The following TOX variants were observed in gnomAD, a reference collection of about 807,000 sequenced individuals.
TOX encodes thymocyte selection associated high mobility group box.
In TOX, 11 loss-of-function variants were observed where a neutral mutation model predicts 53.7. That is an observed-to-expected ratio of 0.20 (90% CI 0.13 to 0.34). The LOEUF (loss-of-function observed/expected upper bound fraction) is 0.34, where lower values mean the gene tolerates loss of function less well. Ranked by LOEUF, TOX falls within the 10% of genes least tolerant of loss-of-function variation. TOX has a pLI of 1.00. For missense variants in TOX, 570 were observed against 664.6 expected, an observed-to-expected ratio of 0.86 and a Z score of 1.56; for synonymous variants, 225 against 245.3, an observed-to-expected ratio of 0.92 and a Z score of 0.77.
intron 3 of TOX, among the ~76,000 whole-genome samples, chr8:58,925,953 G>A (rs1015121605): frequency 1.3e-5 from 2 of 152,162 alleles, no homozygotes; most frequent in Non-Finnish European, 2.9e-5. Flanking sequence ...GACTAGCTGT[G>A]TATGCATAAG....
chr8:59,113,809 G>C (rs1413836502), intron 1 of TOX, among the ~76,000 whole-genome samples: 1 of 152,154 alleles, frequency 6.6e-6, no homozygotes, highest in Non-Finnish European at 1.5e-5. Context: ...CTGAGGGCTG[G>C]CTTTAAAACA....
chr8:58,878,862 A>ACCAGC (rs1320163209), intron 3 of TOX, among the ~76,000 whole-genome samples: 1 of 152,020 alleles, frequency 6.6e-6, no homozygotes, highest in East Asian at 1.9e-4. Flanking sequence ...GGAGTTCGAG[A>ACCAGC]CCAGCCCAGC....
intron 1 of TOX, among the ~76,000 whole-genome samples, chr8:58,974,647 T>C (rs1813058978): frequency 6.6e-6 from 1 of 151,786 alleles, no homozygotes. Flanking sequence ...TACACAAACT[T>C]TGGAGTTATA....
chr8:58,821,091 T>C (rs1386147418), intron 6 of TOX, among the ~76,000 whole-genome samples: 1 of 152,204 alleles, frequency 6.6e-6, no homozygotes, highest in Non-Finnish European at 1.5e-5. Context: ...GCAGGGTTCA[T>C]AAAGATCATT....
chr8:58,830,900 A>C (rs945855083), intron 5 of TOX, among the ~76,000 whole-genome samples: 17 of 152,152 alleles, frequency 1.1e-4, no homozygotes, highest in African/African-American at 4.1e-4. Context: ...TCCCTGCAAT[A>C]TTTTTTAGAA....
chr8:58,979,422 C>T (rs1359878908), intron 1 of TOX, among the ~76,000 whole-genome samples: 1 of 152,068 alleles, frequency 6.6e-6, no homozygotes, highest in South Asian at 2.1e-4. Flanking sequence ...GATGGCTGTC[C>T]GGCCTTACCA....
intron 3 of TOX, among the ~76,000 whole-genome samples, chr8:58,906,239 G>A (rs1450216097): frequency 6.6e-6 from 1 of 152,120 alleles, no homozygotes; most frequent in Non-Finnish European, 1.5e-5. Flanking sequence ...TCGAGAATGT[G>A]CAAAAACAGT....
chr8:58,928,799 T>A (rs1031115166), intron 3 of TOX, among the ~76,000 whole-genome samples: 1 of 152,184 alleles, frequency 6.6e-6, no homozygotes, highest in Non-Finnish European at 1.5e-5. Flanking sequence ...CATTTGCAAG[T>A]TTCATACGGT....
At chr8:59,096,224 A>T (rs747135955) in intron 1 of TOX, among the ~76,000 whole-genome samples, 12 of 152,332 alleles carry the variant, frequency 7.9e-5, no homozygotes, top group South Asian at 2.1e-4. Context: ...AATGACTTTA[A>T]TTAGTTTAAT....
intron 7 of TOX, 93 bp downstream of exon 7, chr8:58,815,245 C>A: frequency 6.8e-7 from 1 of 1,468,852 alleles, no homozygotes. Context: ...ACACATATCC[C>A]CAATCCTGTC....
chr8:58,845,214 C>T (rs1414831129), intron 4 of TOX, among the ~76,000 whole-genome samples: 2 of 152,146 alleles, frequency 1.3e-5, no homozygotes, highest in African/African-American at 4.8e-5. Flanking sequence ...TTAATGCACA[C>T]TATCTTGCAG....
intron 3 of TOX, among the ~76,000 whole-genome samples, chr8:58,867,369 G>A (rs535377889): frequency 6.6e-6 from 1 of 152,204 alleles, no homozygotes; most frequent in African/African-American, 2.4e-5. Flanking sequence ...CTGCTCACAA[G>A]GTATAGCACA....
intron 2 of TOX, among the ~76,000 whole-genome samples, chr8:58,956,375 C>G (rs1287554404): frequency 6.6e-6 from 1 of 152,102 alleles, no homozygotes; most frequent in African/African-American, 2.4e-5. Context: ...AAGCCCAATG[C>G]CCCTCTGTTT....
chr8:59,028,077 T>A (rs1223666554), intron 1 of TOX, among the ~76,000 whole-genome samples: 1 of 152,202 alleles, frequency 6.6e-6, no homozygotes, highest in Non-Finnish European at 1.5e-5. Context: ...ACTGCATGAA[T>A]TTGTATCTGT....
intron 3 of TOX, among the ~76,000 whole-genome samples, chr8:58,858,661 A>G (rs1444808974): frequency 6.6e-6 from 1 of 152,242 alleles, no homozygotes; most frequent in South Asian, 2.1e-4. Context: ...GTCTGTCAGC[A>G]TTTGACACCC....
intron 1 of TOX, among the ~76,000 whole-genome samples, chr8:59,062,483 A>T (rs1168385033): frequency 6.6e-6 from 1 of 152,198 alleles, no homozygotes; most frequent in Non-Finnish European, 1.5e-5. Context: ...ATGTGAATTG[A>T]GTTTGAAGGT....
chr8:59,015,832 T>C (rs1479832239), intron 1 of TOX, among the ~76,000 whole-genome samples: 1 of 152,230 alleles, frequency 6.6e-6, no homozygotes. Context: ...TACCAGAACA[T>C]GCAAATTTTG....
At chr8:59,049,096 G>A (rs375199018) in intron 1 of TOX, among the ~76,000 whole-genome samples, 18 of 131,186 alleles carry the variant, frequency 1.4e-4, no homozygotes, top group East Asian at 7.8e-4. Flanking sequence ...TATTTGGCCC[G>A]GTAATGAAAA....
At chr8:59,089,682 T>C (rs1454071483) in intron 1 of TOX, among the ~76,000 whole-genome samples, 1 of 152,238 alleles carries the variant, frequency 6.6e-6, no homozygotes, top group East Asian at 1.9e-4. Context: ...CTCAATCTCC[T>C]GGGCTCAAGG....
Sources: allele counts gnomAD v4.1 joint callset (sites outside exome capture counted in the v4.1 genomes callset), GRCh38; gene constraint gnomAD v4.1.1; transcripts MANE v1.5; gene names NCBI Gene and HGNC (gene_info 2026-07-23, HGNC 2026-07-21).